EPHA5: variants seen among roughly 807,000 people sequenced by gnomAD.
EPHA5 encodes the protein EPH receptor A5.
Under a neutral mutation model 105.0 loss-of-function variants are expected in EPHA5, and 60 were observed. That is an observed-to-expected ratio of 0.57 (90% CI 0.46 to 0.71). The LOEUF (loss-of-function observed/expected upper bound fraction) is 0.71, where lower values mean the gene tolerates loss of function less well. EPHA5 is among the 30% of genes least tolerant of loss of function. EPHA5 has a pLI of 0.00. For synonymous variants in EPHA5, 513 were observed against 449.1 expected (o/e 1.14, Z -1.80); for missense variants, 1,218 against 1,274.7 (o/e 0.96, Z 0.68).
intron 3 of EPHA5, among the ~76,000 whole-genome samples, chr4:65,598,406 G>T (rs1014332490): frequency 6.6e-6 from 1 of 152,108 alleles, no homozygotes; most frequent in African/African-American, 2.4e-5. Context: ...GAATAACATA[G>T]TATTCTTTTA....
intron 5 of EPHA5, among the ~76,000 whole-genome samples, chr4:65,468,884 A>T (rs931395334): frequency 6.6e-6 from 1 of 151,500 alleles, no homozygotes; most frequent in Admixed American, 6.6e-5. Flanking sequence ...TTTACTCTCC[A>T]TTTTGTCACA....
At chr4:65,448,084 T>C (rs1726726315) in intron 5 of EPHA5, among the ~76,000 whole-genome samples, 1 of 150,256 alleles carries the variant, frequency 6.7e-6, no homozygotes, top group Admixed American at 6.6e-5. Flanking sequence ...ATATGAAAAC[T>C]GTAAAAATCA....
intron 3 of EPHA5, among the ~76,000 whole-genome samples, chr4:65,504,314 C>T (rs1278845085): frequency 6.7e-6 from 1 of 150,346 alleles, no homozygotes; most frequent in East Asian, 1.9e-4. Flanking sequence ...AAAATAACAA[C>T]TTCTATACTC....
chr4:65,584,480 C>G (rs560419749), intron 3 of EPHA5, among the ~76,000 whole-genome samples: 24 of 151,932 alleles, frequency 1.6e-4, no homozygotes, highest in African/African-American at 5.8e-4. Flanking sequence ...CCCCCTCAAC[C>G]CCCAAAAATA....
chr4:65,366,098 T>C, intron 9 of EPHA5, 41 bp from the exon 10 acceptor site: 1 of 1,544,948 alleles, frequency 6.5e-7, no homozygotes, highest in Non-Finnish European at 8.8e-7. Context: ...GTAGTTGTGA[T>C]GGATGAGCAA....
At chr4:65,346,805 C>CA (rs1722268435) in intron 14 of EPHA5, among the ~76,000 whole-genome samples, 1 of 152,152 alleles carries the variant, frequency 6.6e-6, no homozygotes, top group African/African-American at 2.4e-5. Flanking sequence ...ACAACCCCAT[C>CA]AAAAAATGGG....
At chr4:65,543,912 T>C (rs768109266) in intron 3 of EPHA5, among the ~76,000 whole-genome samples, 34 of 151,970 alleles carry the variant, frequency 2.2e-4, no homozygotes, top group Non-Finnish European at 4.9e-4. Context: ...ACCTCAGAAA[T>C]AACACCACAC....
At chr4:65,358,675 A>G (rs1723538733) in intron 11 of EPHA5, among the ~76,000 whole-genome samples, 1 of 151,642 alleles carries the variant, frequency 6.6e-6, no homozygotes, top group Non-Finnish European at 1.5e-5. Context: ...ATGTACTCAG[A>G]TATTTTAATT....
At chr4:65,368,852 G>A (rs749985346) in intron 8 of EPHA5, among the ~76,000 whole-genome samples, 4 of 152,122 alleles carry the variant, frequency 2.6e-5, no homozygotes, top group Non-Finnish European at 2.9e-5. Context: ...GCTTCCATAG[G>A]TTTGCACATA....
intron 3 of EPHA5, among the ~76,000 whole-genome samples, chr4:65,501,352 A>G (rs1370452044): frequency 1.3e-5 from 2 of 151,568 alleles, no homozygotes; most frequent in Non-Finnish European, 3.0e-5. Flanking sequence ...ATGTACTTAG[A>G]AAACCCTAGA....
At chr4:65,341,364 TC>T (rs1424170651) in intron 14 of EPHA5, among the ~76,000 whole-genome samples, 1 of 152,040 alleles carries the variant, frequency 6.6e-6, no homozygotes, top group African/African-American at 2.4e-5. Flanking sequence ...AAACCTGTGG[TC>T]TTTCCATCTT....
chr4:65,470,275 C>T (rs943425025), intron 5 of EPHA5, among the ~76,000 whole-genome samples: 1 of 151,770 alleles, frequency 6.6e-6, no homozygotes, highest in African/African-American at 2.4e-5. Flanking sequence ...TCACTGCAAC[C>T]TCTGCCTCCA....
intron 13 of EPHA5, among the ~76,000 whole-genome samples, chr4:65,350,948 A>G (rs1239515873): frequency 1.3e-5 from 2 of 151,996 alleles, no homozygotes; most frequent in African/African-American, 4.8e-5. Flanking sequence ...AGGACAGTAT[A>G]ATGCAGAGAG....
At chr4:65,576,004 A>AGAG (rs1560720622) in intron 3 of EPHA5, among the ~76,000 whole-genome samples, 4 of 62,464 alleles carry the variant, frequency 6.4e-5, no homozygotes, top group African/African-American at 2.4e-4. Flanking sequence ...GAGAGAGAGA[A>AGAG]AGAAAGAAAG....
At chr4:65,366,142 T>G in intron 9 of EPHA5, 85 bp from the exon 10 acceptor site, 18 of 1,270,998 alleles carry the variant, frequency 1.4e-5, no homozygotes, top group Non-Finnish European at 1.8e-5. Context: ...AAGTATGGCT[T>G]AAATCTCTAA....
At chr4:65,562,872 T>C (rs1739160748) in intron 3 of EPHA5, among the ~76,000 whole-genome samples, 1 of 151,888 alleles carries the variant, frequency 6.6e-6, no homozygotes, top group African/African-American at 2.4e-5. Context: ...TGGTAATTGG[T>C]AAACTGAGGC....
At position 65,669,824 on chromosome 4, in the gene EPHA5, C is replaced by T. The variant is rs751004915; in HGVS notation, c.-82G>A. ...CCTCGCAGAGCGGCGAAGGGAGACTCGGGAGTCCTCCTTGTCCCCCCTTGG... is the reference window on the plus strand; with the variant it reads ...CCTCGCAGAGCGGCGAAGGGAGACTTGGGAGTCCTCCTTGTCCCCCCTTGG... On this transcript the variant is annotated 5_prime_UTR_variant, in exon 1 of 17. Transcript: ENST00000613740. 2.0e-5 allele frequency: 25 copies of T among 1,233,104 alleles called. No individual in the cohort carries two copies. The highest frequency in any genetic ancestry group is 4.1e-5 in the South Asian group (1 of 24,552). 76.4% of individuals were successfully genotyped at this position (1,233,104 alleles called of 1,614,324 possible).
chr4:65,564,765 A>T (rs190022980), intron 3 of EPHA5, among the ~76,000 whole-genome samples: 1 of 151,796 alleles, frequency 6.6e-6, no homozygotes, highest in East Asian at 1.9e-4. Context: ...TAAGCAATGT[A>T]TTTGTATTTA....
At chr4:65,331,252 C>T in intron 16 of EPHA5, 1 of 1,029,796 alleles carries the variant, frequency 9.7e-7, no homozygotes, top group Non-Finnish European at 1.2e-6. Context: ...TCACAAATAA[C>T]AATTAGGCTA....
Sources: allele counts gnomAD v4.1 joint callset (sites outside exome capture counted in the v4.1 genomes callset), GRCh38; gene constraint gnomAD v4.1.1; transcripts MANE v1.5; gene names NCBI Gene and HGNC (gene_info 2026-07-23, HGNC 2026-07-21).